Variants in PLPPR5 observed in about 807,000 individuals in gnomAD.
PLPPR5 encodes phospholipid phosphatase-related protein type 5.
A neutral mutation model predicts 33.9 loss-of-function variants in PLPPR5; 16 were observed. That is an observed-to-expected ratio of 0.47 (90% CI 0.32 to 0.72). PLPPR5 has a LOEUF of 0.72. PLPPR5 is among the 30% of genes least tolerant of loss of function. PLPPR5 has a pLI of 0.03. For missense variants in PLPPR5, 301 were observed against 406.7 expected, an observed-to-expected ratio of 0.74 and a Z score of 2.23; for synonymous variants, 163 against 150.3, an observed-to-expected ratio of 1.08 and a Z score of -0.62.
intron 1 of PLPPR5, among the ~76,000 whole-genome samples, chr1:98,987,819 C>T (rs1421413005): frequency 6.6e-6 from 1 of 151,720 alleles, no homozygotes; most frequent in Non-Finnish European, 1.5e-5. Flanking sequence ...TTTTTTTTAA[C>T]ATTGCTGATT....
At chr1:98,968,560 TAA>T (rs1269587297) in intron 1 of PLPPR5, among the ~76,000 whole-genome samples, 1 of 152,098 alleles carries the variant, frequency 6.6e-6, no homozygotes, top group Non-Finnish European at 1.5e-5. Context: ...AGCAGGATGT[TAA>T]GTGATATTTT....
At position 98,890,754 on chromosome 1, in the gene PLPPR5, C is replaced by T. The variant is rs932085681; in HGVS notation, c.*2318G>A. ...TTTGCCTTATTCACATGTATCTTGC[C>T]TTTTTCATCTGAATTTTCTTCATGA... On this transcript the variant is annotated 3_prime_UTR_variant, in exon 6 of 6. Coordinates refer to ENST00000263177, the MANE Select transcript of PLPPR5 (RefSeq NM_001037317.2). The T allele has an allele frequency of 4.6e-5, 7 of 152,456 alleles. No individual in the cohort carries two copies. The highest frequency in any genetic ancestry group is 1.7e-4 in the African/African-American group (7 of 41,398). 9.4% of individuals were successfully genotyped at this position (152,456 alleles called of 1,614,324 possible).
rs1648286226 is a variant in PLPPR5, at chr1:98,891,799, C to A, written c.*1273G>T. ...TTCTGGCATTTCTTTATTTTTTGAA[C>A]CATAGGTAGTTGCCCAGGATTCTAC... On this transcript the variant is annotated 3_prime_UTR_variant, in exon 6 of 6. Coordinates refer to ENST00000263177, the MANE Select transcript of PLPPR5 (RefSeq NM_001037317.2). 6.6e-6 allele frequency: 1 copy of A among 151,906 alleles called. No homozygotes were observed. The highest frequency in any genetic ancestry group is 2.1e-4 in the South Asian group (1 of 4,826). The allele number at this position is 151,906 out of a possible 1,614,324, so 9.4% of individuals were successfully genotyped here.
At chr1:98,916,551 C>T (rs563892648) in intron 4 of PLPPR5, among the ~76,000 whole-genome samples, 3 of 152,288 alleles carry the variant, frequency 2.0e-5, no homozygotes, top group Non-Finnish European at 2.9e-5. Flanking sequence ...TATTCAACTC[C>T]ACCTTTTTGG....
At chr1:98,946,835 T>C (rs1300984032) in intron 3 of PLPPR5, among the ~76,000 whole-genome samples, 2 of 152,224 alleles carry the variant, frequency 1.3e-5, no homozygotes, top group African/African-American at 4.8e-5. Flanking sequence ...TCATAACTTT[T>C]TTTTAGAAGC....
intron 3 of PLPPR5, among the ~76,000 whole-genome samples, chr1:98,951,162 C>T (rs1021360523): frequency 1.1e-4 from 16 of 152,136 alleles, no homozygotes; most frequent in Admixed American, 5.2e-4. Flanking sequence ...CAAATTTAGA[C>T]GTGATGGCAA....
intron 1 of PLPPR5, among the ~76,000 whole-genome samples, chr1:98,961,198 A>G (rs1241097902): frequency 6.6e-6 from 1 of 152,144 alleles, no homozygotes; most frequent in Non-Finnish European, 1.5e-5. Flanking sequence ...TTTTTCTAAC[A>G]ACTCTTGTAC....
chr1:98,961,245 T>C (rs1440678156), intron 1 of PLPPR5, among the ~76,000 whole-genome samples: 2 of 152,166 alleles, frequency 1.3e-5, no homozygotes. Flanking sequence ...TAGGAGAATA[T>C]AAACATACAC....
At chr1:98,964,278 T>C (rs1187508453) in intron 1 of PLPPR5, among the ~76,000 whole-genome samples, 1 of 152,108 alleles carries the variant, frequency 6.6e-6, no homozygotes, top group Non-Finnish European at 1.5e-5. Flanking sequence ...TGATGAACAG[T>C]GTTAACTGAG....
intron 1 of PLPPR5, among the ~76,000 whole-genome samples, chr1:98,962,312 AT>A (rs5776446): frequency 0.11 from 16,928 of 152,228 alleles, 1,007 homozygotes; most frequent in African/African-American, 0.13. Flanking sequence ...CATAATTAGC[AT>A]TTTTTGTGGT....
intron 3 of PLPPR5, among the ~76,000 whole-genome samples, chr1:98,951,120 T>G (rs1272103315): frequency 6.6e-6 from 1 of 152,232 alleles, no homozygotes; most frequent in Non-Finnish European, 1.5e-5. Flanking sequence ...CAGATATATT[T>G]GCAATTCATA....
rs115389072 is a variant in PLPPR5, at chr1:99,002,084, T to C, written c.237+2351A>G. Reference sequence around the variant, plus strand: ...TATTTTGATGCCCAAGTGAGCATGCTAACCCAGCGTTCTTGAGAAGAGTGG... The same window carrying C: ...TATTTTGATGCCCAAGTGAGCATGCCAACCCAGCGTTCTTGAGAAGAGTGG... On this transcript the variant is annotated intron_variant, in intron 1 of 5. Transcript: ENST00000263177. Among the ~76,000 whole-genome samples the C allele has an allele frequency of 7.3e-3, 1,104 of 152,238 alleles. 17 individuals carry two copies. Among genetic ancestry groups the C allele is most frequent in the African/African-American group, 0.025 (1,052 of 41,544 alleles).
chr1:98,988,955 C>T (rs1169301914), intron 1 of PLPPR5, among the ~76,000 whole-genome samples: 2 of 152,108 alleles, frequency 1.3e-5, no homozygotes, highest in African/African-American at 2.4e-5. Flanking sequence ...ACATCCCTAA[C>T]ACAACTGCTG....
chr1:98,916,136 A>G (rs1392878250), intron 4 of PLPPR5, among the ~76,000 whole-genome samples: 1 of 152,188 alleles, frequency 6.6e-6, no homozygotes, highest in Non-Finnish European at 1.5e-5. Context: ...AATTAGATCA[A>G]TTAGATCTTG....
chr1:98,971,919 C>G (rs952823121), intron 1 of PLPPR5, among the ~76,000 whole-genome samples: 1 of 152,068 alleles, frequency 6.6e-6, no homozygotes, highest in African/African-American at 2.4e-5. Flanking sequence ...CCCCCATGGT[C>G]TCACCACTGG....
At chr1:98,975,037 C>T (rs1026247011) in intron 1 of PLPPR5, among the ~76,000 whole-genome samples, 3 of 152,002 alleles carry the variant, frequency 2.0e-5, no homozygotes, top group Non-Finnish European at 2.9e-5. Context: ...TACCCACCTA[C>T]GAGGACATGT....
chr1:98,943,151 T>C (rs1421664285), intron 3 of PLPPR5, among the ~76,000 whole-genome samples: 2 of 152,058 alleles, frequency 1.3e-5, no homozygotes, highest in South Asian at 2.1e-4. Flanking sequence ...CTAATATATA[T>C]CATCCCAAGA....
chr1:98,924,429 T>C (rs1037221139), intron 3 of PLPPR5, among the ~76,000 whole-genome samples: 24 of 152,122 alleles, frequency 1.6e-4, no homozygotes, highest in Admixed American at 1.6e-3. Context: ...CCAATGAGCA[T>C]AAGTTGAGTA....
chr1:98,944,420 T>C (rs1650482403), intron 3 of PLPPR5, among the ~76,000 whole-genome samples: 1 of 152,188 alleles, frequency 6.6e-6, no homozygotes, highest in South Asian at 2.1e-4. Flanking sequence ...CGCAAAGTGA[T>C]GGTATTAAGA....
Sources: allele counts gnomAD v4.1 joint callset (sites outside exome capture counted in the v4.1 genomes callset), GRCh38; gene constraint gnomAD v4.1.1; transcripts MANE v1.5; gene names NCBI Gene and HGNC (gene_info 2026-07-23, HGNC 2026-07-21).